Variants in GABRA3 observed in about 807,000 individuals in gnomAD.
The protein encoded by GABRA3 is gamma-aminobutyric acid type A receptor subunit alpha3, also known as gamma-aminobutyric acid receptor subunit alpha-3.
A neutral mutation model predicts 30.1 loss-of-function variants in GABRA3; 10 were observed. The ratio of observed to expected loss-of-function variants is 0.33; its 90% CI spans 0.20 to 0.56. The LOEUF (loss-of-function observed/expected upper bound fraction) is 0.56. Among genes scored for constraint, GABRA3 ranks in the 20% least tolerant of loss-of-function variants. GABRA3 has a pLI of 0.89. For synonymous variants in GABRA3, 151 were observed against 146.8 expected (o/e 1.03, Z -0.21); for missense variants, 233 against 392.0 (o/e 0.59, Z 3.42).
intron 3 of GABRA3, among the ~76,000 whole-genome samples, chrX:152,308,088 C>A (rs1939746871): frequency 8.9e-6 from 1 of 112,533 alleles, no homozygotes; most frequent in African/African-American, 3.2e-5. Context: ...GATCTGAGTG[C>A]CCCTGGTCTG....
chrX:152,236,916 T>C (rs1167557382), intron 5 of GABRA3, among the ~76,000 whole-genome samples: 1 of 104,898 alleles, frequency 9.5e-6, no homozygotes, highest in Non-Finnish European at 1.9e-5. Flanking sequence ...GATGAGTAGG[T>C]TGCGAAAATT....
At chrX:152,302,787 T>C (rs1371109385) in intron 3 of GABRA3, among the ~76,000 whole-genome samples, 1 of 111,218 alleles carries the variant, frequency 9.0e-6, no homozygotes, top group East Asian at 2.8e-4. Flanking sequence ...TATGTCTGTG[T>C]ATGCCCTATG....
At chrX:152,326,355 G>C (rs1049982457) in intron 3 of GABRA3, among the ~76,000 whole-genome samples, 1 of 110,957 alleles carries the variant, frequency 9.0e-6, no homozygotes, top group Non-Finnish European at 1.9e-5. Context: ...TACAGAGAAC[G>C]TCACAAAGAT....
At chrX:152,222,690 C>T (rs959315422) in intron 6 of GABRA3, among the ~76,000 whole-genome samples, 1 of 110,007 alleles carries the variant, frequency 9.1e-6, no homozygotes, top group Admixed American at 9.8e-5. Flanking sequence ...TCTTTTCCAC[C>T]GTAGAGTCTT....
chrX:152,215,619 G>A (rs748627510), intron 6 of GABRA3, among the ~76,000 whole-genome samples: 1 of 111,414 alleles, frequency 9.0e-6, no homozygotes, highest in African/African-American at 3.2e-5. Flanking sequence ...TGACTTAAAT[G>A]TAAAACCCAA....
At chrX:152,272,385 C>T (rs989200316) in intron 4 of GABRA3, among the ~76,000 whole-genome samples, 3 of 112,475 alleles carry the variant, frequency 2.7e-5, no homozygotes, top group South Asian at 7.3e-4. Flanking sequence ...TTTGGACACG[C>T]ATGGGGCCTG....
chrX:152,297,606 A>T (rs1939553916), intron 3 of GABRA3, among the ~76,000 whole-genome samples: 1 of 112,214 alleles, frequency 8.9e-6, no homozygotes, highest in Admixed American at 9.5e-5. Context: ...TCTCAGTATA[A>T]GCTCTAGCAG....
rs1556780374 is a variant in GABRA3 at position 152,315,981 on chromosome X, C to CA, written c.262+29599_262+29600insT. On this transcript the variant is annotated intron_variant, in intron 3 of 9. Transcript: ENST00000370314. Reference sequence around the variant, plus strand: ...TAGGCCCGCCCCCCGACCCCCCCCCCCCCCACCACATGATCCTCTCCTGTA... The same window carrying CA: ...TAGGCCCGCCCCCCGACCCCCCCCCCACCCCACCACATGATCCTCTCCTGTA... 3.4e-5 allele frequency among the ~76,000 whole-genome samples: 3 copies of CA among 87,368 alleles called. 1 individual carries two copies. Among genetic ancestry groups the CA allele is most frequent in the African/African-American group, 1.3e-4 (3 of 23,220 alleles). 75.9% of individuals were successfully genotyped at this position (87,368 alleles called of 115,157 possible). A position where few individuals can be genotyped will look rare whatever the true frequency, so the allele number is the denominator to read the frequency against.
intron 1 of GABRA3, among the ~76,000 whole-genome samples, chrX:152,433,240 G>T (rs984326884): frequency 9.1e-6 from 1 of 110,195 alleles, no homozygotes; most frequent in Admixed American, 9.7e-5. Flanking sequence ...ACAAGACAAA[G>T]ACTGCCCCAT....
At chrX:152,302,382 AT>A (rs1939646872) in intron 3 of GABRA3, among the ~76,000 whole-genome samples, 1 of 111,552 alleles carries the variant, frequency 9.0e-6, no homozygotes, top group Non-Finnish European at 1.9e-5. Flanking sequence ...CAAAAGATAG[AT>A]TTGGTGGCCA....
At chrX:152,185,362 A>G (rs186042173) in intron 9 of GABRA3, among the ~76,000 whole-genome samples, 35 of 111,657 alleles carry the variant, frequency 3.1e-4, no homozygotes, top group Non-Finnish European at 5.8e-4. Flanking sequence ...TTTGCAAAAT[A>G]GTTTTATAAT....
intron 2 of GABRA3, among the ~76,000 whole-genome samples, chrX:152,347,554 T>C (rs1218336350): frequency 9.0e-6 from 1 of 111,569 alleles, no homozygotes; most frequent in Non-Finnish European, 1.9e-5. Flanking sequence ...GATTATTTCA[T>C]ATTGCATGCC....
intron 1 of GABRA3, among the ~76,000 whole-genome samples, chrX:152,400,252 G>A (rs1326862870): frequency 1.8e-5 from 2 of 111,187 alleles, no homozygotes; most frequent in African/African-American, 6.6e-5. Context: ...GGAGACTGAG[G>A]TAGGAGGATC....
At chrX:152,224,158 C>G (rs1464115606) in intron 6 of GABRA3, among the ~76,000 whole-genome samples, 1 of 112,231 alleles carries the variant, frequency 8.9e-6, no homozygotes, top group East Asian at 2.8e-4. Context: ...GTGAAACTCA[C>G]TCTGAAATTT....
At chrX:152,177,197 C>T (rs1937085317) in intron 9 of GABRA3, among the ~76,000 whole-genome samples, 1 of 111,750 alleles carries the variant, frequency 8.9e-6, no homozygotes, top group Admixed American at 9.5e-5. Flanking sequence ...GGAAGGAAGT[C>T]TCAACTGAGA....
intron 1 of GABRA3, among the ~76,000 whole-genome samples, chrX:152,388,289 AC>A (rs1330810135): frequency 8.9e-6 from 1 of 112,052 alleles, no homozygotes; most frequent in Admixed American, 9.5e-5. Context: ...AAAGAGAATA[AC>A]TATAGCACAG....
chrX:152,440,699 T>A (rs998025985), intron 1 of GABRA3, among the ~76,000 whole-genome samples: 2 of 111,980 alleles, frequency 1.8e-5, no homozygotes, highest in Admixed American at 1.9e-4. Context: ...AAGGATGAGT[T>A]CATGTCCTTT....
At chrX:152,186,206 G>GTTTATTTATTTA (rs201169733) in intron 9 of GABRA3, among the ~76,000 whole-genome samples, 1 of 109,466 alleles carries the variant, frequency 9.1e-6, no homozygotes, top group Non-Finnish European at 1.9e-5. Context: ...TTATTTAATT[G>GTTTATTTATTTA]TTTATTTATT....
In GABRA3 at chrX:152,316,519, A is replaced by T. The variant is rs929535897; in HGVS notation, c.262+29062T>A. Among the ~76,000 whole-genome samples, 3 of 111,830 alleles carry T rather than the reference A, an allele frequency of 2.7e-5. No homozygotes were observed. The Admixed American group carries it at 2.8e-4, about 11-fold the overall frequency. On this transcript the variant is annotated intron_variant, in intron 3 of 9. Transcript: ENST00000370314. ...AATAAGCTCAAAGAACTCCTTGGAA[A>T]TTCATCACAAAAAGATCATCACCTA...
Sources: gnomAD v4.1 joint callset for allele counts (sites outside exome capture counted in the v4.1 genomes callset) on GRCh38, gnomAD v4.1.1 for gene constraint, MANE v1.5 for transcripts, NCBI Gene and HGNC (gene_info 2026-07-23, HGNC 2026-07-21) for gene names.